Variants in VPS13B observed in about 807,000 individuals in gnomAD.
The protein encoded by VPS13B is intermembrane lipid transfer protein VPS13B.
Under a neutral mutation model 426.4 loss-of-function variants are expected in VPS13B, and 285 were observed. The observed-to-expected ratio is 0.67, with a 90% CI of 0.61 to 0.74. The LOEUF (loss-of-function observed/expected upper bound fraction) is 0.74. Among genes scored for constraint, VPS13B ranks in the 30% least tolerant of loss-of-function variants. VPS13B has a pLI of 0.00. For synonymous variants in VPS13B, 1,676 were observed against 1,676.4 expected (o/e 1.00, Z 0.01); for missense variants, 4,537 against 4,782.6 (o/e 0.95, Z 1.51).
chr8:99,717,100 A>G, intron 36 of VPS13B, 71 bp from the exon 37 acceptor site: 6 of 1,418,810 alleles, frequency 4.2e-6, no homozygotes, highest in East Asian at 4.7e-5. Context: ...CTTCAAAAAT[A>G]TAGATAGTTC....
chr8:99,550,139 TC>T (rs1824201725), intron 30 of VPS13B, among the ~76,000 whole-genome samples: 1 of 152,044 alleles, frequency 6.6e-6, no homozygotes, highest in Admixed American at 6.6e-5. Context: ...GCAAGTCAGG[TC>T]ACTGGAGGAA....
intron 5 of VPS13B, among the ~76,000 whole-genome samples, chr8:99,108,659 C>T (rs1202470471): frequency 2.0e-5 from 3 of 151,976 alleles, no homozygotes; most frequent in East Asian, 1.9e-4. Flanking sequence ...ATGCCAGTAC[C>T]GTACTGTTTT....
intron 33 of VPS13B, among the ~76,000 whole-genome samples, chr8:99,624,636 CATT>C (rs1355208473): frequency 6.6e-6 from 1 of 152,108 alleles, no homozygotes; most frequent in Non-Finnish European, 1.5e-5. Flanking sequence ...TATATTTCAT[CATT>C]GTGTTTTATT....
At chr8:99,259,666 C>T (rs1047942964) in intron 17 of VPS13B, among the ~76,000 whole-genome samples, 4 of 152,060 alleles carry the variant, frequency 2.6e-5, no homozygotes, top group Admixed American at 2.6e-4. Flanking sequence ...TGTCCTCATT[C>T]AGATTTTAAT....
chr8:99,382,835 A>G (rs1034331864), intron 19 of VPS13B, among the ~76,000 whole-genome samples: 1 of 152,126 alleles, frequency 6.6e-6, no homozygotes, highest in African/African-American at 2.4e-5. Flanking sequence ...TGCTCTGGCC[A>G]GGATTTCCAG....
chr8:99,719,780 G>A (rs1464896741), intron 37 of VPS13B, among the ~76,000 whole-genome samples: 1 of 152,136 alleles, frequency 6.6e-6, no homozygotes, highest in Admixed American at 6.5e-5. Flanking sequence ...TGTAGCTACT[G>A]TAGTATAATT....
At chr8:99,207,622 C>A (rs1814806583) in intron 17 of VPS13B, among the ~76,000 whole-genome samples, 1 of 152,222 alleles carries the variant, frequency 6.6e-6, no homozygotes, top group East Asian at 1.9e-4. Flanking sequence ...TTCAGTCTTA[C>A]AGAAAGTCTT....
At chr8:99,549,049 T>C (rs545466712) in intron 30 of VPS13B, among the ~76,000 whole-genome samples, 2 of 152,118 alleles carry the variant, frequency 1.3e-5, no homozygotes, top group Admixed American at 1.3e-4. Flanking sequence ...ACAGAGGAGA[T>C]ACATTGATGT....
intron 35 of VPS13B, among the ~76,000 whole-genome samples, chr8:99,665,004 A>G (rs373072484): frequency 6.6e-5 from 10 of 152,052 alleles, no homozygotes; most frequent in African/African-American, 1.9e-4. Context: ...TTTAATGATC[A>G]CCATTCTAAC....
rs1419787692 is a variant in VPS13B, at chr8:99,038,546, A to G, written c.271A>G (p.Lys91Glu). The G allele has an allele frequency of 6.2e-7, 1 of 1,612,892 alleles. No homozygotes were observed. Among genetic ancestry groups the G allele is most frequent in the Non-Finnish European group, 8.5e-7 (1 of 1,179,320 alleles). Reference protein sequence around the residue: ...ITINTMECILKLKDGIQDDHE... With the variant: ...ITINTMECILELKDGIQDDHE... The stretch of plus-strand genomic sequence containing the variant: ...CATCAATACTATGGAATGCATTTTG[A>G]AACTTAAGGATGGGATACAGGTAAG... Residue 91 changes from lysine (K) to glutamate (E), a missense_variant, in exon 3 of 62, where the codon AAA becomes GAA. Transcript: ENST00000357162.
In VPS13B at chr8:99,835,649, C is replaced by G. The variant is rs1815352363; in HGVS notation, c.9853C>G (p.Leu3285Val). The change falls in exon 54 of 62, where the codon CTT becomes GTT. Residue 3285 changes from leucine to valine, a missense_variant. Transcript: ENST00000357162. ...SYPDCKTKDL[L>V]PSLLLRVEPL... is the part of the protein sequence containing the mutation. ...TCCGGACTGCAAGACCAAAGACTTA[C>G]TTCCAAGCCTACTTTTGAGAGTTGA... is the stretch of plus-strand genomic sequence containing the variant. 6.2e-7 allele frequency: 1 copy of G among 1,614,018 alleles called. No individual in the cohort carries two copies. Among genetic ancestry groups the G allele is most frequent in the Non-Finnish European group, 8.5e-7 (1 of 1,180,036 alleles).
At chr8:99,370,113 T>G (rs1813097267) in intron 19 of VPS13B, among the ~76,000 whole-genome samples, 1 of 152,208 alleles carries the variant, frequency 6.6e-6, no homozygotes, top group African/African-American at 2.4e-5. Flanking sequence ...TTTATACATT[T>G]ATTCAACAGA....
chr8:99,565,605 AT>A (rs758834430), intron 31 of VPS13B, among the ~76,000 whole-genome samples: 81 of 152,128 alleles, frequency 5.3e-4, no homozygotes, highest in Non-Finnish European at 9.1e-4. Context: ...GATCTCTTTT[AT>A]TTTTATTTTT....
At chr8:99,861,982 C>A in intron 58 of VPS13B, 36 bp downstream of exon 58, 1 of 1,548,270 alleles carries the variant, frequency 6.5e-7, no homozygotes, top group Non-Finnish European at 8.7e-7. Context: ...TGTCTGTACT[C>A]CAGCAGGCTG....
At chr8:99,452,445 C>T (rs1395863863) in intron 23 of VPS13B, among the ~76,000 whole-genome samples, 1 of 152,118 alleles carries the variant, frequency 6.6e-6, no homozygotes, top group Non-Finnish European at 1.5e-5. Flanking sequence ...CTCTCTTGCT[C>T]GTTGCTGTAT....
chr8:99,083,948 G>A lies in VPS13B; in HGVS notation c.292-12364G>A, dbSNP rs569472693. Among the ~76,000 whole-genome samples the A allele has an allele frequency of 7.9e-5, 12 of 151,506 alleles. No homozygotes were observed. In the South Asian group the frequency reaches 2.5e-3, roughly 32 times the overall value. On this transcript the variant is annotated intron_variant, in intron 3 of 61. Transcript: ENST00000357162. Reference sequence around the variant, plus strand: ...TGTATTGTGTCTCTGCCAGACTTTGGTATCAGGATGATGCTGGCCTCATAA... The same window carrying A: ...TGTATTGTGTCTCTGCCAGACTTTGATATCAGGATGATGCTGGCCTCATAA...
chr8:99,504,625 A>G (rs1821402224), intron 27 of VPS13B, among the ~76,000 whole-genome samples: 2 of 152,172 alleles, frequency 1.3e-5, no homozygotes, highest in Admixed American at 6.5e-5. Context: ...AGAGCTTAAA[A>G]TATTCAGGAG....
chr8:99,067,425 T>C (rs1267686474), intron 3 of VPS13B, among the ~76,000 whole-genome samples: 1 of 152,054 alleles, frequency 6.6e-6, no homozygotes, highest in Non-Finnish European at 1.5e-5. Context: ...ATCTCACTCA[T>C]AGGTGGGAAC....
At position 99,043,379 on chromosome 8, in the gene VPS13B, A is replaced by G. The variant is rs76361532; in HGVS notation, c.291+4813A>G. ...CTCTATTAATTGATTTTAAAAATCAATTAGTTAGAATTTGAGATTAGGAGG... is the reference window on the plus strand; with the variant it reads ...CTCTATTAATTGATTTTAAAAATCAGTTAGTTAGAATTTGAGATTAGGAGG... On this transcript the variant is annotated intron_variant, in intron 3 of 61. Transcript: ENST00000357162. Among the ~76,000 whole-genome samples, 187 of 152,226 alleles carry G rather than the reference A, an allele frequency of 1.2e-3. 4 individuals carry two copies. The East Asian group carries it at 0.028, about 23-fold the overall frequency.
Sources: gnomAD v4.1 joint callset for allele counts (sites outside exome capture counted in the v4.1 genomes callset) on GRCh38, gnomAD v4.1.1 for gene constraint, MANE v1.5 for transcripts, NCBI Gene and HGNC (gene_info 2026-07-23, HGNC 2026-07-21) for gene names.